The following KRTAP6-1 variants were observed in gnomAD, a reference collection of about 807,000 sequenced individuals.
KRTAP6-1 encodes the protein keratin associated protein 6-1, also known as keratin-associated protein 6-1.
In KRTAP6-1, 2 loss-of-function variants were observed where a neutral mutation model predicts 1.6. That is an observed-to-expected ratio of 1.22 (90% confidence interval 0.50 to 3.85). The LOEUF is 3.85. Among genes scored for constraint, KRTAP6-1 ranks in the 30% most tolerant of loss-of-function variants. KRTAP6-1 has a pLI of 0.07. For synonymous variants in KRTAP6-1, 38 were observed against 38.5 expected (o/e 0.99, Z 0.05); for missense variants, 78 against 87.7 (o/e 0.89, Z 0.44).
exon 1 of KRTAP6-1, chr21:30,613,749 G>T: frequency 6.2e-7 from 1 of 1,613,758 alleles, no homozygotes; most frequent in South Asian, 1.1e-5. Context: ...GGGAGCGGGA[G>T]CCATAGCCAT....
chr21:30,613,823 C>A, the KRTAP6-1 span: 1 of 1,613,874 alleles, frequency 6.2e-7, no homozygotes, highest in African/African-American at 1.3e-5. Context: ...CCCAGGCCTC[C>A]ATAGCCATAG....
At chr21:30,613,735 C>G (rs1386579508) in exon 1 of KRTAP6-1, 2 of 1,613,982 alleles carry the variant, frequency 1.2e-6, no homozygotes, top group Non-Finnish European at 1.7e-6. Flanking sequence ...GCCATAGCCA[C>G]AGAGGGAGCG....
chr21:30,613,897 C>T lies in KRTAP6-1; in HGVS notation c.8G>A (p.Gly3Asp), dbSNP rs527457966. 63 of 1,614,150 alleles carry T rather than the reference C, an allele frequency of 3.9e-5. No individual in the cohort carries two copies. The South Asian group carries it at 5.9e-4, about 15-fold the overall frequency. Residue 3 changes from glycine (G) to aspartate (D), a missense_variant, in exon 1 of 1, where the codon GGC (glycine) becomes GAC (aspartate). Transcript: ENST00000329122. ...GCCATAGTAGTTTCCGTAGTAGCTGCCACACATGGTGTTGGTTGTGGAGGT... is the reference window on the plus strand; with the variant it reads ...GCCATAGTAGTTTCCGTAGTAGCTGTCACACATGGTGTTGGTTGTGGAGGT...
At chr21:30,613,451 C>G in exon 1 of KRTAP6-1, 5 of 734,582 alleles carry the variant, frequency 6.8e-6, no homozygotes, top group Non-Finnish European at 1.0e-5. Flanking sequence ...GTCATCAAGG[C>G]AGATGATGTG....
chr21:30,613,487 A>C (rs1980614538), exon 1 of KRTAP6-1: 1 of 1,060,438 alleles, frequency 9.4e-7, no homozygotes, highest in Non-Finnish European at 1.3e-6. Context: ...TGAAAGGAGA[A>C]CTGACAGGTG....
chr21:30,613,875 ATAG>A lies in KRTAP6-1; in HGVS notation c.27_29del (p.Tyr10del), dbSNP rs776481848. The A allele has an allele frequency of 3.1e-6, 5 of 1,614,218 alleles. No homozygotes were observed. The East Asian group carries it at 1.1e-4, about 36-fold the overall frequency. On this transcript the variant is annotated inframe_deletion, in exon 1 of 1. Coordinates refer to ENST00000329122, the Ensembl canonical transcript of KRTAP6-1. ...CACAGAACCCATAGCCAGGGGTGCC[ATAG>A]TAGTTTCCGTAGTAGCTGCCACACA... is the stretch of plus-strand genomic sequence containing the variant.
exon 1 of KRTAP6-1, chr21:30,613,822 C>T (rs113717308): frequency 5.6e-6 from 9 of 1,613,928 alleles, no homozygotes; most frequent in African/African-American, 5.3e-5. Flanking sequence ...GCCCAGGCCT[C>T]CATAGCCATA....
chr21:30,613,467 A>G (rs1321961108), exon 1 of KRTAP6-1: 3 of 891,748 alleles, frequency 3.4e-6, no homozygotes, highest in Non-Finnish European at 4.9e-6. Context: ...ATGTGACACC[A>G]TCATTCTGAT....
chr21:30,613,825 T>C (rs750064287), exon 1 of KRTAP6-1: 10 of 1,613,732 alleles, frequency 6.2e-6, no homozygotes, highest in South Asian at 5.5e-5. Context: ...CAGGCCTCCA[T>C]AGCCATAGCC....
the KRTAP6-1 span, chr21:30,613,865 CA>C: frequency 6.2e-7 from 1 of 1,614,186 alleles, no homozygotes; most frequent in South Asian, 1.1e-5. Flanking sequence ...AACCCATAGC[CA>C]GGGGTGCCAT....
At chr21:30,613,514 G>T in exon 1 of KRTAP6-1, 2 of 1,320,708 alleles carry the variant, frequency 1.5e-6, no homozygotes, top group Non-Finnish European at 2.0e-6. Flanking sequence ...ACCTTATCCC[G>T]TTTCATGATG....
rs138494765 is a variant in KRTAP6-1, at chr21:30,613,844, C to T, written c.61G>A (p.Gly21Arg). Residue 21 changes from glycine to arginine, a missense_variant, in exon 1 of 1, where the codon GGA becomes AGA. Transcript: ENST00000329122. ...CCTCCATAGCCATAGCCCAGGCCTC[C>T]ATAGCCACAGAACCCATAGCCAGGG... 250 of 1,614,044 alleles carry T rather than the reference C, an allele frequency of 1.5e-4. 1 individual carries two copies. The highest frequency in any genetic ancestry group is 6.6e-4 in the Middle Eastern group (4 of 6,084).
At chr21:30,613,908 G>A (rs200189534) in exon 1 of KRTAP6-1, 50 of 1,613,930 alleles carry the variant, frequency 3.1e-5, no homozygotes, top group Non-Finnish European at 4.1e-5. Context: ...CACACATGGT[G>A]TTGGTTGTGG....
At chr21:30,613,674 T>C (rs1328147144) in exon 1 of KRTAP6-1, 8 of 1,613,326 alleles carry the variant, frequency 5.0e-6, no homozygotes, top group Non-Finnish European at 5.9e-6. Context: ...AGGGTGAGAG[T>C]CTCCCATGGC....
At chr21:30,613,686 T>A (rs751422342) in exon 1 of KRTAP6-1, 1 of 1,614,054 alleles carries the variant, frequency 6.2e-7, no homozygotes. Context: ...TCCCATGGCA[T>A]CCTCAATAAT....
chr21:30,613,525 GA>G, exon 1 of KRTAP6-1: 1 of 1,375,316 alleles, frequency 7.3e-7, no homozygotes, highest in Non-Finnish European at 9.7e-7. Context: ...TTTCATGATG[GA>G]AATTCAAGAT....
chr21:30,613,875 A>G (rs1458000703), exon 1 of KRTAP6-1: 3 of 1,614,100 alleles, frequency 1.9e-6, no homozygotes, highest in Non-Finnish European at 2.5e-6. Context: ...CAGGGGTGCC[A>G]TAGTAGTTTC....
rs1424991271 is a variant in KRTAP6-1 at position 30,613,641 on chromosome 21, T to C, written c.*48A>G. ...CAGAACATGTGGGCTTCAGAATTAG[T>C]GAATCTCAGTATCACAGGATAGAGG... On this transcript the variant is annotated 3_prime_UTR_variant, in exon 1 of 1. Transcript: ENST00000329122. The C allele has an allele frequency of 2.5e-6, 4 of 1,608,832 alleles. No homozygotes were observed. The East Asian group carries it at 8.9e-5, about 36-fold the overall frequency.
chr21:30,613,881 G>A, exon 1 of KRTAP6-1: 1 of 1,614,154 alleles, frequency 6.2e-7, no homozygotes, highest in Non-Finnish European at 8.5e-7. Context: ...TGCCATAGTA[G>A]TTTCCGTAGT....
Sources: allele counts gnomAD v4.1 joint callset, GRCh38; gene constraint gnomAD v4.1.1; transcripts MANE v1.5; gene names NCBI Gene and HGNC (gene_info 2026-07-23, HGNC 2026-07-21).